CADPS: variants seen among roughly 807,000 people sequenced by gnomAD.
The protein encoded by CADPS is calcium-dependent secretion activator 1.
A neutral mutation model predicts 167.3 loss-of-function variants in CADPS; 57 were observed. The ratio of observed to expected loss-of-function variants is 0.34; its 90% CI spans 0.28 to 0.42. The LOEUF is 0.42. Ranked by LOEUF, CADPS falls within the 20% of genes least tolerant of loss-of-function variation. The probability of loss-of-function intolerance (pLI) is 1.00; values close to 1 mark genes in which losing one functional copy is unlikely to be tolerated. For synonymous variants in CADPS, 676 were observed against 635.3 expected, an observed-to-expected ratio of 1.06 and a Z score of -0.96; for missense variants, 1,414 against 1,738.1, an observed-to-expected ratio of 0.81 and a Z score of 3.32.
chr3:62,463,022 G>A (rs914206766), intron 26 of CADPS, among the ~76,000 whole-genome samples: 7 of 152,148 alleles, frequency 4.6e-5, no homozygotes, highest in Non-Finnish European at 8.8e-5. Context: ...GAAGTTACGG[G>A]CCCAGCAACA....
chr3:62,629,341 G>A (rs2064804131), intron 6 of CADPS, among the ~76,000 whole-genome samples: 1 of 152,112 alleles, frequency 6.6e-6, no homozygotes, highest in Non-Finnish European at 1.5e-5. Context: ...CCATAGATTT[G>A]CATTTTCCTT....
At position 62,579,580 on chromosome 3, in the gene CADPS, T is replaced by C. The variant is rs371436432; in HGVS notation, c.1577+5605A>G. On this transcript the variant is annotated intron_variant, in intron 8 of 29. Coordinates refer to ENST00000383710, the MANE Select transcript of CADPS (RefSeq NM_003716.4). The stretch of plus-strand genomic sequence containing the variant: ...AAGGCTTTCTGATAAGGTATAGAAA[T>C]GTTGGAGATCTGGGTGAAAGGGAAA... 4.6e-5 allele frequency among the ~76,000 whole-genome samples: 7 copies of C among 151,794 alleles called. No homozygotes were observed. In the South Asian group the frequency reaches 1.5e-3, roughly 32 times the overall value.
At chr3:62,522,140 T>C (rs1577166587) in intron 13 of CADPS, among the ~76,000 whole-genome samples, 1 of 150,158 alleles carries the variant, frequency 6.7e-6, no homozygotes, top group East Asian at 2.0e-4. Flanking sequence ...TATCTATCTA[T>C]CTATCTATCT....
At chr3:62,477,192 T>C (rs1426647220) in intron 23 of CADPS, among the ~76,000 whole-genome samples, 2 of 152,154 alleles carry the variant, frequency 1.3e-5, no homozygotes, top group Non-Finnish European at 2.9e-5. Context: ...TCTTCCAAGA[T>C]ATGAAATAAT....
chr3:62,816,415 A>C (rs906867054), intron 1 of CADPS, among the ~76,000 whole-genome samples: 1 of 152,106 alleles, frequency 6.6e-6, no homozygotes, highest in African/African-American at 2.4e-5. Flanking sequence ...CCAGGAAAGT[A>C]ACTTGTGTTA....
intron 1 of CADPS, among the ~76,000 whole-genome samples, chr3:62,856,160 A>T (rs1317294815): frequency 6.6e-6 from 1 of 152,182 alleles, no homozygotes; most frequent in Non-Finnish European, 1.5e-5. Context: ...GGTGTATTAG[A>T]GAGTAGTCCA....
At chr3:62,781,520 G>A (rs1559591638) in intron 1 of CADPS, among the ~76,000 whole-genome samples, 2 of 152,124 alleles carry the variant, frequency 1.3e-5, no homozygotes, top group South Asian at 2.1e-4. Context: ...AATGACACAC[G>A]TGACTCCCAG....
chr3:62,643,392 CA>C (rs1441282450), intron 6 of CADPS, among the ~76,000 whole-genome samples: 1 of 152,208 alleles, frequency 6.6e-6, no homozygotes, highest in East Asian at 1.9e-4. Context: ...ACAAATCAAC[CA>C]ACCTACTGAC....
Position 62,650,935 on chromosome 3 carries a change from C to A in CADPS, c.1115G>T (p.Arg372Leu). The change falls in exon 5 of 30, where the codon CGC becomes CTC. Residue 372 changes from arginine to leucine, a missense_variant. Transcript: ENST00000383710. ...GTCGATGATGGAAGCATTGTGGCTGCGTTTGAGTTTCTGGAGCTTGAACTC... is the reference window on the plus strand; with the variant it reads ...GTCGATGATGGAAGCATTGTGGCTGAGTTTGAGTTTCTGGAGCTTGAACTC... Reference protein sequence around the residue: ...GGEFKLQKLKRSHNASIIDMG... With the variant: ...GGEFKLQKLKLSHNASIIDMG... 1.2e-6 allele frequency: 2 copies of A among 1,614,066 alleles called. No homozygotes were observed. The highest frequency in any genetic ancestry group is 1.7e-6 in the Non-Finnish European group (2 of 1,179,982).
intron 3 of CADPS, among the ~76,000 whole-genome samples, chr3:62,715,753 C>CTTTTTTT (rs71123291): frequency 0.011 from 994 of 89,670 alleles, 41 homozygotes; most frequent in East Asian, 0.02. Flanking sequence ...GATTATAAAT[C>CTTTTTTT]TTTTTTTTTT....
At chr3:62,469,476 AG>A (rs1383370038) in intron 24 of CADPS, among the ~76,000 whole-genome samples, 1 of 152,006 alleles carries the variant, frequency 6.6e-6, no homozygotes, top group Admixed American at 6.6e-5. Flanking sequence ...CGGTACAAAG[AG>A]GGAGCTTTAC....
chr3:62,580,325 C>G (rs1371988858), intron 8 of CADPS, among the ~76,000 whole-genome samples: 1 of 152,120 alleles, frequency 6.6e-6, no homozygotes, highest in African/African-American at 2.4e-5. Flanking sequence ...TCTCAGTAAA[C>G]TATCGCAAGG....
chr3:62,614,992 C>T (rs2062038587), intron 6 of CADPS, among the ~76,000 whole-genome samples: 1 of 152,148 alleles, frequency 6.6e-6, no homozygotes. Flanking sequence ...CCATTGAGAG[C>T]TCTCAATAAA....
rs2058637222 is a variant in CADPS, at chr3:62,455,907, GC to G, written c.3636+9459del. On this transcript the variant is annotated intron_variant, in intron 26 of 29. Transcript: ENST00000383710. The surrounding 1 kb of genome is among the most constrained non-coding windows in gnomAD (Gnocchi z 4.4). ...TTGACTTTTCCTGCAGGCTGCTTTA[GC>G]CTGAATTTGAAGGTATAATTTATGT... 1.3e-5 allele frequency among the ~76,000 whole-genome samples: 2 copies of G among 152,170 alleles called. No homozygotes were observed. Among genetic ancestry groups the G allele is most frequent in the African/African-American group, 4.8e-5 (2 of 41,430 alleles).
At chr3:62,408,995 A>T (rs1170148882) in intron 28 of CADPS, among the ~76,000 whole-genome samples, 1 of 152,260 alleles carries the variant, frequency 6.6e-6, no homozygotes, top group Admixed American at 6.5e-5. Flanking sequence ...AATTCATAAG[A>T]ATAGTTGCCT....
At chr3:62,435,396 T>G (rs1228615827) in intron 28 of CADPS, among the ~76,000 whole-genome samples, 1 of 152,194 alleles carries the variant, frequency 6.6e-6, no homozygotes, top group Admixed American at 6.5e-5. Flanking sequence ...TCAAACATGT[T>G]GGTAATCTGA....
At chr3:62,813,414 G>A (rs2094474259) in intron 1 of CADPS, among the ~76,000 whole-genome samples, 1 of 147,628 alleles carries the variant, frequency 6.8e-6, no homozygotes, top group Admixed American at 6.6e-5. Flanking sequence ...CTAACCATAT[G>A]CAGAAGAACC....
At position 62,580,336 on chromosome 3, in the gene CADPS, AC is replaced by A. The variant is rs1241705331; in HGVS notation, c.1577+4848del. Among the ~76,000 whole-genome samples, 24 of 152,290 alleles carry A rather than the reference AC, an allele frequency of 1.6e-4. No homozygotes were observed. In the South Asian group the frequency reaches 2.1e-3, roughly 13 times the overall value. On this transcript the variant is annotated intron_variant, in intron 8 of 29. Coordinates refer to ENST00000383710, the MANE Select transcript of CADPS (RefSeq NM_003716.4). Reference sequence around the variant, plus strand: ...TCATTCTCAGTAAACTATCGCAAGGACAAAAAACCAAACACCACATGTTCTC... The same window carrying A: ...TCATTCTCAGTAAACTATCGCAAGGAAAAAAACCAAACACCACATGTTCTC...
chr3:62,528,092 C>T (rs1455146529), intron 13 of CADPS, among the ~76,000 whole-genome samples: 1 of 152,128 alleles, frequency 6.6e-6, no homozygotes, highest in African/African-American at 2.4e-5. Flanking sequence ...CTTCAGGCTT[C>T]TCTTTAATTC....
Sources: gnomAD v4.1 joint callset for allele counts (sites outside exome capture counted in the v4.1 genomes callset) on GRCh38, gnomAD v4.1.1 for gene constraint, Gnocchi (gnomAD v3.1) non-coding constraint, MANE v1.5 for transcripts, NCBI Gene and HGNC (gene_info 2026-07-23, HGNC 2026-07-21) for gene names.